The following ZMAT4 variants were observed in gnomAD, a reference collection of about 807,000 sequenced individuals.
ZMAT4 encodes zinc finger matrin-type 4.
A neutral mutation model predicts 28.7 loss-of-function variants in ZMAT4; 17 were observed. The ratio of observed to expected loss-of-function variants is 0.59; its 90% CI spans 0.41 to 0.89. ZMAT4 has a LOEUF of 0.89. Ranked by LOEUF, ZMAT4 falls within the 40% of genes least tolerant of loss-of-function variation. The probability of loss-of-function intolerance (pLI) is 0.00; values close to 1 mark genes in which losing one functional copy is unlikely to be tolerated. For missense variants in ZMAT4, 240 were observed against 283.8 expected (o/e 0.85, Z 1.11); for synonymous variants, 117 against 109.2 (o/e 1.07, Z -0.44).
chr8:40,661,878 G>A (rs1327748471), intron 5 of ZMAT4, among the ~76,000 whole-genome samples: 3 of 152,202 alleles, frequency 2.0e-5, no homozygotes, highest in Non-Finnish European at 4.4e-5. Context: ...GGGTCTTAGA[G>A]CACTGAGGAG....
chr8:40,887,428 G>A (rs769936335), intron 1 of ZMAT4, among the ~76,000 whole-genome samples: 1 of 151,142 alleles, frequency 6.6e-6, no homozygotes, highest in African/African-American at 2.4e-5. Flanking sequence ...GGCAGAGGTT[G>A]CAGTGAGCTG....
rs565279990 is a variant in ZMAT4 at position 40,633,469 on chromosome 8, G to T, written c.577+41235C>A. 3.3e-5 allele frequency among the ~76,000 whole-genome samples: 5 copies of T among 152,300 alleles called. No individual in the cohort carries two copies. The South Asian group carries it at 1.0e-3, about 32-fold the overall frequency. Reference sequence around the variant, plus strand: ...GGGACCCTCGGCAGTGTGAAGTATTGAGGGACAAGGGGTGACCAGAAGATG... The same window carrying T: ...GGGACCCTCGGCAGTGTGAAGTATTTAGGGACAAGGGGTGACCAGAAGATG... On this transcript the variant is annotated intron_variant, in intron 5 of 6. Transcript: ENST00000297737.
intron 5 of ZMAT4, among the ~76,000 whole-genome samples, chr8:40,624,354 C>T (rs1416846849): frequency 6.6e-6 from 1 of 152,318 alleles, no homozygotes; most frequent in African/African-American, 2.4e-5. Context: ...AGAACTCTCA[C>T]CAGAACCAGA....
chr8:40,811,348 G>A (rs1282934521), intron 2 of ZMAT4, among the ~76,000 whole-genome samples: 1 of 152,214 alleles, frequency 6.6e-6, no homozygotes, highest in African/African-American at 2.4e-5. Context: ...CATAGGGAAA[G>A]GGGATACATG....
chr8:40,628,445 T>C (rs942183396), intron 5 of ZMAT4, among the ~76,000 whole-genome samples: 2 of 152,240 alleles, frequency 1.3e-5, no homozygotes, highest in African/African-American at 4.8e-5. Flanking sequence ...ATTATCTCTA[T>C]TCTAGGCTCA....
At chr8:40,571,068 T>C (rs1374515714) in intron 6 of ZMAT4, among the ~76,000 whole-genome samples, 3 of 152,074 alleles carry the variant, frequency 2.0e-5, no homozygotes, top group African/African-American at 7.2e-5. Context: ...TCATGACTCA[T>C]GCAAATTTCA....
At chr8:40,590,307 C>T (rs993438873) in intron 5 of ZMAT4, among the ~76,000 whole-genome samples, 1 of 151,800 alleles carries the variant, frequency 6.6e-6, no homozygotes, top group Non-Finnish European at 1.5e-5. Flanking sequence ...GCTGGGATTA[C>T]AGATGTGAGC....
chr8:40,670,787 G>A (rs1022850285), intron 5 of ZMAT4, among the ~76,000 whole-genome samples: 4 of 152,116 alleles, frequency 2.6e-5, no homozygotes, highest in African/African-American at 9.7e-5. Context: ...AGTACTTGAC[G>A]GCAGGGTGTG....
intron 5 of ZMAT4, among the ~76,000 whole-genome samples, chr8:40,649,626 T>G (rs1258355044): frequency 6.6e-6 from 1 of 151,988 alleles, no homozygotes; most frequent in Non-Finnish European, 1.5e-5. Context: ...ATATACATTT[T>G]TTTCAGCACC....
intron 6 of ZMAT4, among the ~76,000 whole-genome samples, chr8:40,560,749 G>C (rs904457042): frequency 6.6e-6 from 1 of 151,978 alleles, no homozygotes; most frequent in Non-Finnish European, 1.5e-5. Flanking sequence ...CTATGACTTC[G>C]AGACTACAAG....
At chr8:40,649,622 A>AT (rs1038400228) in intron 5 of ZMAT4, among the ~76,000 whole-genome samples, 5 of 151,908 alleles carry the variant, frequency 3.3e-5, no homozygotes, top group Non-Finnish European at 5.9e-5. Flanking sequence ...CAGAATATAC[A>AT]TTTTTTTCAG....
intron 5 of ZMAT4, among the ~76,000 whole-genome samples, chr8:40,639,771 T>TACACACACACACACAC (rs10676366): frequency 5.5e-5 from 8 of 146,462 alleles, no homozygotes; most frequent in African/African-American, 1.8e-4. Context: ...GTCCTTTTGT[T>TACACACACACACACAC]ACACACACAC....
At chr8:40,539,900 T>G (rs955383879) in intron 6 of ZMAT4, among the ~76,000 whole-genome samples, 1 of 152,206 alleles carries the variant, frequency 6.6e-6, no homozygotes, top group Admixed American at 6.5e-5. Flanking sequence ...CCTAGATAGA[T>G]TCAGGATGAA....
chr8:40,704,221 G>A (rs1418754801), intron 3 of ZMAT4, among the ~76,000 whole-genome samples: 2 of 152,222 alleles, frequency 1.3e-5, no homozygotes, highest in Admixed American at 1.3e-4. Context: ...TTGGAGAAAA[G>A]CAGAATGCAG....
At chr8:40,639,832 T>C (rs974981845) in intron 5 of ZMAT4, among the ~76,000 whole-genome samples, 4 of 152,072 alleles carry the variant, frequency 2.6e-5, no homozygotes, top group African/African-American at 9.7e-5. Context: ...TGTACATTAT[T>C]ATACAGTGGA....
chr8:40,746,298 CTCCCTTCCTT>C (rs1250961883), intron 3 of ZMAT4, among the ~76,000 whole-genome samples: 1 of 21,556 alleles, frequency 4.6e-5, no homozygotes, highest in Non-Finnish European at 1.4e-4. Flanking sequence ...TTCTTTCTTT[CTCCCTTCCTT>C]TCCTTTCCTT....
At chr8:40,861,260 A>T (rs1198889317) in intron 1 of ZMAT4, among the ~76,000 whole-genome samples, 1 of 152,214 alleles carries the variant, frequency 6.6e-6, no homozygotes, top group Non-Finnish European at 1.5e-5. Context: ...CTCCTGAAAG[A>T]ACAGCCTGTG....
intron 1 of ZMAT4, among the ~76,000 whole-genome samples, chr8:40,889,520 T>C (rs748893975): frequency 4.6e-5 from 7 of 152,218 alleles, no homozygotes; most frequent in African/African-American, 9.6e-5. Flanking sequence ...AAATCAAAAG[T>C]CATATGTTTC....
chr8:40,834,915 C>A (rs1292900480), intron 1 of ZMAT4, among the ~76,000 whole-genome samples: 2 of 152,226 alleles, frequency 1.3e-5, no homozygotes, highest in Admixed American at 6.5e-5. Flanking sequence ...AGGTACCCTG[C>A]AGTGGCAGCT....
Sources: allele counts gnomAD v4.1 joint callset (sites outside exome capture counted in the v4.1 genomes callset), GRCh38; gene constraint gnomAD v4.1.1; transcripts MANE v1.5; gene names NCBI Gene and HGNC (gene_info 2026-07-23, HGNC 2026-07-21).